The following CIMIP2A variants were observed in gnomAD, a reference collection of about 807,000 sequenced individuals.
CIMIP2A encodes the protein family with sequence similarity 166 member A.
At chr9:137,247,247 T>C in the CIMIP2A span, among the ~76,000 whole-genome samples, 1 of 152,214 alleles carries the variant, frequency 6.6e-6, no homozygotes, top group African/African-American at 2.4e-5. Flanking sequence ...ATTGCACCAT[T>C]GCATTCCAGC....
chr9:137,247,611 C>A, the CIMIP2A span: 4 of 1,572,432 alleles, frequency 2.5e-6, no homozygotes, highest in Admixed American at 6.7e-5. Flanking sequence ...GCCATTCTCC[C>A]CCTCCTGCAG....
chr9:137,244,174 G>C, the CIMIP2A span: 1 of 1,613,780 alleles, frequency 6.2e-7, no homozygotes, highest in Admixed American at 1.7e-5. Flanking sequence ...TACTCACCGG[G>C]GATGAACCCC....
chr9:137,244,523 G>A, the CIMIP2A span: 4 of 1,517,604 alleles, frequency 2.6e-6, no homozygotes, highest in Middle Eastern at 1.8e-4. Context: ...GCCAGGCAGA[G>A]CCCCCTCCTC....
the CIMIP2A span, chr9:137,252,628 C>T: frequency 1.4e-3 from 2,083 of 1,497,240 alleles, 21 homozygotes; most frequent in South Asian, 0.013. Flanking sequence ...TGGGGAGCAC[C>T]CTGCCCTGCA....
the CIMIP2A span, among the ~76,000 whole-genome samples, chr9:137,247,225 C>T: frequency 6.6e-6 from 1 of 152,188 alleles, no homozygotes; most frequent in African/African-American, 2.4e-5. Context: ...GCAGAGGTTG[C>T]GGTAAGCCAA....
At chr9:137,244,204 C>A in the CIMIP2A span, 1 of 1,613,930 alleles carries the variant, frequency 6.2e-7, no homozygotes, top group East Asian at 2.2e-5. Flanking sequence ...GGGATCAGGC[C>A]TTGGCTGCTG....
At chr9:137,253,014 A>G in the CIMIP2A span, 1 of 1,529,568 alleles carries the variant, frequency 6.5e-7, no homozygotes, top group Non-Finnish European at 8.9e-7. Flanking sequence ...ATGGGTGGGC[A>G]ATGTGAGGAC....
the CIMIP2A span, among the ~76,000 whole-genome samples, chr9:137,249,842 G>C: frequency 6.6e-6 from 1 of 152,160 alleles, no homozygotes; most frequent in Non-Finnish European, 1.5e-5. Flanking sequence ...ACCAGTAAAC[G>C]TCATAACTTC....
At chr9:137,245,469 T>G in the CIMIP2A span, 1 of 1,613,704 alleles carries the variant, frequency 6.2e-7, no homozygotes. Context: ...TCTGTCTGGG[T>G]ATGTTCTCTA....
At chr9:137,244,080 T>A in the CIMIP2A span, 2 of 1,305,786 alleles carry the variant, frequency 1.5e-6, no homozygotes, top group Admixed American at 3.4e-5. Flanking sequence ...AGACAGGTGG[T>A]CCTGAACCAG....
chr9:137,245,338 G>A, the CIMIP2A span: 6 of 1,600,904 alleles, frequency 3.7e-6, no homozygotes, highest in Non-Finnish European at 4.3e-6. Context: ...GCAAACAGGA[G>A]TGGCGCTCTT....
the CIMIP2A span, chr9:137,255,092 T>C: frequency 6.3e-6 from 1 of 159,716 alleles, no homozygotes; most frequent in Non-Finnish European, 1.4e-5. Flanking sequence ...TGCGACGACG[T>C]CCGTTCCCGG....
the CIMIP2A span, chr9:137,251,645 C>G: frequency 6.9e-7 from 1 of 1,444,930 alleles, no homozygotes; most frequent in Non-Finnish European, 9.2e-7. Flanking sequence ...TGGGAGCAGC[C>G]GGGGGCTGAG....
chr9:137,251,969 G>T, the CIMIP2A span: 6 of 1,602,202 alleles, frequency 3.7e-6, no homozygotes, highest in South Asian at 5.6e-5. Flanking sequence ...GCTGAAAGGA[G>T]CCCAGGCCCA....
the CIMIP2A span, chr9:137,244,158 C>G: frequency 1.2e-6 from 2 of 1,613,200 alleles, no homozygotes; most frequent in African/African-American, 1.3e-5. Context: ...GTGACCCTGC[C>G]CACTCTACTC....
At chr9:137,252,774 T>C in the CIMIP2A span, 1 of 1,562,032 alleles carries the variant, frequency 6.4e-7, no homozygotes, top group Non-Finnish European at 8.7e-7. Context: ...CACCTAGGGC[T>C]GCCTGGGGCT....
At chr9:137,244,836 C>A in the CIMIP2A span, 2 of 1,567,880 alleles carry the variant, frequency 1.3e-6, no homozygotes, top group Non-Finnish European at 8.6e-7. Flanking sequence ...AGGCAAGGCT[C>A]CCTTTCGTTC....
chr9:137,253,296 C>T, the CIMIP2A span: 1 of 1,569,460 alleles, frequency 6.4e-7, no homozygotes, highest in Non-Finnish European at 8.6e-7. Context: ...GAACCATGGC[C>T]TCCCCCGGGG....
the CIMIP2A span, chr9:137,251,599 A>AG: frequency 8.8e-7 from 1 of 1,137,580 alleles, no homozygotes; most frequent in East Asian, 2.6e-5. Context: ...CCAGGGGCTG[A>AG]GGGACAGTGT....
Sources: gnomAD v4.1 joint callset for allele counts (sites outside exome capture counted in the v4.1 genomes callset) on GRCh38, gnomAD v4.1.1 for gene constraint, MANE v1.5 for transcripts, NCBI Gene and HGNC (gene_info 2026-07-23, HGNC 2026-07-21) for gene names.